Variants in VAV3 observed in about 807,000 individuals in gnomAD.
VAV3 encodes vav guanine nucleotide exchange factor 3.
VAV3 carries 94 observed loss-of-function variants against 131.2 expected under a neutral mutation model. The observed-to-expected ratio is 0.72, with a 90% confidence interval of 0.61 to 0.85. The LOEUF (loss-of-function observed/expected upper bound fraction) is 0.85. VAV3 is among the 40% of genes least tolerant of loss of function. The pLI is 0.00. For missense variants in VAV3, 939 were observed against 1,002.7 expected (o/e 0.94, Z 0.86); for synonymous variants, 349 against 342.0 (o/e 1.02, Z -0.22).
At chr1:107,850,157 G>C (rs1047361607) in intron 2 of VAV3, among the ~76,000 whole-genome samples, 3 of 152,230 alleles carry the variant, frequency 2.0e-5, no homozygotes, top group Non-Finnish European at 2.9e-5. Flanking sequence ...GTGGAAGACA[G>C]TGTGGCAATT....
chr1:107,618,341 C>T (rs1318550518), intron 20 of VAV3, among the ~76,000 whole-genome samples: 1 of 152,088 alleles, frequency 6.6e-6, no homozygotes, highest in Non-Finnish European at 1.5e-5. Flanking sequence ...ATGGATACTA[C>T]CGGTCTAAGA....
intron 2 of VAV3, among the ~76,000 whole-genome samples, chr1:107,804,977 G>T (rs78458460): frequency 0.25 from 37,995 of 150,608 alleles, 4,830 homozygotes; most frequent in East Asian, 0.31. Context: ...TTTTTTTTTT[G>T]ATTCCCCTGG....
intron 3 of VAV3, among the ~76,000 whole-genome samples, chr1:107,778,363 G>A (rs1412326402): frequency 4.0e-5 from 6 of 151,566 alleles, no homozygotes; most frequent in Admixed American, 1.3e-4. Context: ...TTTGACTTAC[G>A]TTTTTTCAGA....
intron 2 of VAV3, among the ~76,000 whole-genome samples, chr1:107,870,992 G>A (rs1230165701): frequency 6.6e-6 from 1 of 152,104 alleles, no homozygotes; most frequent in African/African-American, 2.4e-5. Flanking sequence ...AATCCCATGT[G>A]CTTCTGCACT....
intron 19 of VAV3, among the ~76,000 whole-genome samples, chr1:107,672,685 G>A (rs1339787800): frequency 1.3e-5 from 2 of 151,894 alleles, no homozygotes; most frequent in African/African-American, 4.8e-5. Flanking sequence ...ATTTAGAAAA[G>A]CACCAAATCT....
At chr1:107,683,453 A>T in intron 19 of VAV3, 35 bp downstream of exon 19, 1 of 1,611,882 alleles carries the variant, frequency 6.2e-7, no homozygotes, top group Admixed American at 1.7e-5. Flanking sequence ...ACTTAGCTGA[A>T]GCCATAATTA....
intron 2 of VAV3, among the ~76,000 whole-genome samples, chr1:107,797,525 A>C (rs150815828): frequency 6.6e-6 from 1 of 152,226 alleles, no homozygotes; most frequent in African/African-American, 2.4e-5. Flanking sequence ...TCCAAAAAGC[A>C]TAAGAGTCAA....
intron 8 of VAV3, among the ~76,000 whole-genome samples, chr1:107,765,866 C>T (rs1480362289): frequency 2.6e-5 from 4 of 152,132 alleles, no homozygotes; most frequent in African/African-American, 9.7e-5. Context: ...AATTCATTAG[C>T]CACTTCTTAG....
chr1:107,777,215 G>C lies in VAV3; in HGVS notation c.446+16C>G. The stretch of plus-strand genomic sequence containing the variant: ...AATTGGCAGTGGCTAAATTTTGCTT[G>C]AAATTTTCAACATACTCTATTAAAT... On this transcript the variant is annotated intron_variant, in intron 4 of 26. Transcript: ENST00000370056. 6.2e-7 allele frequency: 1 copy of C among 1,612,660 alleles called. No individual in the cohort carries two copies. The highest frequency in any genetic ancestry group is 1.1e-5 in the South Asian group (1 of 91,018).
intron 1 of VAV3, among the ~76,000 whole-genome samples, chr1:107,940,778 C>T (rs1260211931): frequency 6.6e-6 from 1 of 151,944 alleles, no homozygotes; most frequent in Non-Finnish European, 1.5e-5. Flanking sequence ...CTAGAGTAGT[C>T]AAATTCAGAG....
chr1:107,931,122 C>G (rs1257387165), intron 1 of VAV3, among the ~76,000 whole-genome samples: 2 of 152,230 alleles, frequency 1.3e-5, no homozygotes, highest in Non-Finnish European at 2.9e-5. Flanking sequence ...TTGGATCCTT[C>G]TTTGGAGCCA....
chr1:107,644,726 C>G (rs866272348), intron 19 of VAV3, among the ~76,000 whole-genome samples: 1 of 151,978 alleles, frequency 6.6e-6, no homozygotes, highest in Non-Finnish European at 1.5e-5. Flanking sequence ...ACTTTGATGA[C>G]ATTTCACCAC....
At chr1:107,859,075 T>C (rs1669614465) in intron 2 of VAV3, among the ~76,000 whole-genome samples, 1 of 144,868 alleles carries the variant, frequency 6.9e-6, no homozygotes, top group Admixed American at 6.9e-5. Context: ...CTTGAGGAGT[T>C]TTTTTTTTTT....
chr1:107,742,258 G>A (rs1237740787), intron 15 of VAV3, among the ~76,000 whole-genome samples: 2 of 151,866 alleles, frequency 1.3e-5, no homozygotes, highest in African/African-American at 4.8e-5. Context: ...ACTTGTCTTG[G>A]TTGTCAGAAA....
chr1:107,924,086 GT>G (rs959038673), intron 1 of VAV3, among the ~76,000 whole-genome samples: 10 of 152,108 alleles, frequency 6.6e-5, no homozygotes, highest in Admixed American at 2.0e-4. Flanking sequence ...TTTTAGAACA[GT>G]TTTTAGAACA....
chr1:107,930,978 A>G (rs2101204393), intron 1 of VAV3, among the ~76,000 whole-genome samples: 1 of 152,312 alleles, frequency 6.6e-6, no homozygotes, highest in South Asian at 2.1e-4. Context: ...GACAACAAAT[A>G]CAGAATGTGA....
intron 1 of VAV3, among the ~76,000 whole-genome samples, chr1:107,936,492 G>A (rs1673715321): frequency 6.6e-6 from 1 of 152,144 alleles, no homozygotes; most frequent in Admixed American, 6.5e-5. Flanking sequence ...ACAATCTAGA[G>A]AAACAACAGT....
At chr1:107,801,356 A>T (rs922897260) in intron 2 of VAV3, among the ~76,000 whole-genome samples, 3 of 152,126 alleles carry the variant, frequency 2.0e-5, no homozygotes, top group Non-Finnish European at 4.4e-5. Context: ...AATATCACTG[A>T]TATTTTGATA....
intron 20 of VAV3, among the ~76,000 whole-genome samples, chr1:107,625,357 C>T (rs139223866): frequency 1.1e-3 from 162 of 152,024 alleles, no homozygotes; most frequent in East Asian, 3.5e-3. Context: ...ACCTCCGCCT[C>T]CCGGGCTCAA....
Sources: gnomAD v4.1 joint callset for allele counts (sites outside exome capture counted in the v4.1 genomes callset) on GRCh38, gnomAD v4.1.1 for gene constraint, MANE v1.5 for transcripts, NCBI Gene and HGNC (gene_info 2026-07-23, HGNC 2026-07-21) for gene names.